The following HIBADH variants were observed in gnomAD, a reference collection of about 807,000 sequenced individuals.
HIBADH encodes the protein 3-hydroxyisobutyrate dehydrogenase, mitochondrial.
Under a neutral mutation model 36.1 loss-of-function variants are expected in HIBADH, and 25 were observed. The observed-to-expected ratio is 0.69, with a 90% CI of 0.50 to 0.97. The LOEUF is 0.97. Among genes scored for constraint, HIBADH ranks in the 50% least tolerant of loss-of-function variants. The probability of loss-of-function intolerance (pLI) is 0.00; values close to 1 mark genes in which losing one functional copy is unlikely to be tolerated. For missense variants in HIBADH, 421 were observed against 418.0 expected, an observed-to-expected ratio of 1.01 and a Z score of -0.06; for synonymous variants, 160 against 149.5, an observed-to-expected ratio of 1.07 and a Z score of -0.51.
chr7:27,651,253 A>T (rs1050490383), intron 1 of HIBADH, among the ~76,000 whole-genome samples: 2 of 152,222 alleles, frequency 1.3e-5, no homozygotes, highest in Non-Finnish European at 2.9e-5. Flanking sequence ...TTGGAAGCAT[A>T]TTTAATTCCT....
chr7:27,647,953 TA>T (rs1283017417), intron 2 of HIBADH, among the ~76,000 whole-genome samples: 1 of 152,228 alleles, frequency 6.6e-6, no homozygotes, highest in Non-Finnish European at 1.5e-5. Context: ...ATTCAATTCC[TA>T]CCCCACTCTT....
intron 6 of HIBADH, among the ~76,000 whole-genome samples, chr7:27,538,046 T>C (rs143544714): frequency 6.6e-6 from 1 of 152,298 alleles, no homozygotes; most frequent in African/African-American, 2.4e-5. Context: ...TTTCTTGTAT[T>C]TCAACATAAT....
chr7:27,602,043 A>C (rs904993843), intron 4 of HIBADH, among the ~76,000 whole-genome samples: 4 of 152,104 alleles, frequency 2.6e-5, no homozygotes, highest in Non-Finnish European at 5.9e-5. Context: ...TCCAAACTTG[A>C]ATGTATTAGT....
intron 2 of HIBADH, among the ~76,000 whole-genome samples, chr7:27,632,646 G>GT (rs1785767527): frequency 6.6e-6 from 1 of 151,022 alleles, no homozygotes; most frequent in African/African-American, 2.4e-5. Flanking sequence ...TACAGATGCA[G>GT]TTTCTGTGAA....
chr7:27,650,460 T>TTTTA (rs148153152), intron 1 of HIBADH, among the ~76,000 whole-genome samples: 9,431 of 140,142 alleles, frequency 0.067, 353 homozygotes, highest in Middle Eastern at 0.076. Context: ...CTTATTATAT[T>TTTTA]TTTATTTATT....
intron 4 of HIBADH, among the ~76,000 whole-genome samples, chr7:27,547,145 C>G (rs1583562992): frequency 2.6e-5 from 4 of 152,296 alleles, no homozygotes; most frequent in Admixed American, 2.6e-4. Flanking sequence ...CCATCACTTG[C>G]TGCTTTCCAG....
chr7:27,618,202 G>A (rs967457580), intron 4 of HIBADH, among the ~76,000 whole-genome samples: 2 of 152,196 alleles, frequency 1.3e-5, no homozygotes, highest in African/African-American at 4.8e-5. Flanking sequence ...TATCACCGGA[G>A]GCTGGGCCAG....
intron 4 of HIBADH, among the ~76,000 whole-genome samples, chr7:27,580,855 A>T (rs1784777052): frequency 6.6e-6 from 1 of 152,174 alleles, no homozygotes; most frequent in Non-Finnish European, 1.5e-5. Flanking sequence ...AGAGGTGGAG[A>T]TCAAAGCAGA....
intron 1 of HIBADH, among the ~76,000 whole-genome samples, chr7:27,661,829 G>C (rs1467665120): frequency 6.6e-6 from 1 of 152,106 alleles, no homozygotes; most frequent in Admixed American, 6.5e-5. Flanking sequence ...TGGTGTGATA[G>C]AAAGTTAAGG....
chr7:27,581,561 T>G (rs564805623), intron 4 of HIBADH, among the ~76,000 whole-genome samples: 8 of 152,320 alleles, frequency 5.3e-5, no homozygotes, highest in East Asian at 1.9e-4. Context: ...TCCTCCAAAT[T>G]TATTAAGGTT....
chr7:27,584,279 ACAT>A (rs1293228039), intron 4 of HIBADH, among the ~76,000 whole-genome samples: 3 of 152,072 alleles, frequency 2.0e-5, no homozygotes, highest in Non-Finnish European at 4.4e-5. Context: ...TAATTTGGTA[ACAT>A]CATACAACGG....
chr7:27,543,710 AT>A (rs1327334050), intron 4 of HIBADH, among the ~76,000 whole-genome samples: 1 of 152,016 alleles, frequency 6.6e-6, no homozygotes, highest in African/African-American at 2.4e-5. Context: ...TTTCAATATT[AT>A]TTGATTTTTC....
chr7:27,635,495 G>A (rs1299505675), intron 2 of HIBADH, among the ~76,000 whole-genome samples: 1 of 152,180 alleles, frequency 6.6e-6, no homozygotes, highest in African/African-American at 2.4e-5. Context: ...TCCAGCTTCA[G>A]TTTCCAAATC....
chr7:27,587,556 T>C (rs1252138703), intron 4 of HIBADH, among the ~76,000 whole-genome samples: 1 of 152,174 alleles, frequency 6.6e-6, no homozygotes, highest in Admixed American at 6.5e-5. Context: ...TCATGTGAGA[T>C]AGCTCACTGC....
At chr7:27,625,668 A>G (rs1456024039) in intron 4 of HIBADH, among the ~76,000 whole-genome samples, 1 of 152,226 alleles carries the variant, frequency 6.6e-6, no homozygotes, top group South Asian at 2.1e-4. Flanking sequence ...CATATATTTT[A>G]TAAATATGTT....
intron 7 of HIBADH, among the ~76,000 whole-genome samples, chr7:27,528,198 C>A (rs992710882): frequency 6.6e-6 from 1 of 152,092 alleles, no homozygotes. Context: ...CTCTCTCTCT[C>A]TTACCCCTCA....
intron 4 of HIBADH, among the ~76,000 whole-genome samples, chr7:27,545,076 G>A (rs1784216970): frequency 6.6e-6 from 1 of 152,116 alleles, no homozygotes; most frequent in Admixed American, 6.5e-5. Context: ...GACATTCCTT[G>A]GAACCAAATC....
chr7:27,639,924 T>A (rs1349085465), intron 2 of HIBADH, among the ~76,000 whole-genome samples: 1 of 152,030 alleles, frequency 6.6e-6, no homozygotes, highest in Non-Finnish European at 1.5e-5. Flanking sequence ...CCACGTACAG[T>A]CAAGCAAAAG....
At chr7:27,621,926 T>C (rs12540063) in intron 4 of HIBADH, among the ~76,000 whole-genome samples, 120,832 of 152,178 alleles carry the variant, frequency 0.79, 48,370 homozygotes, top group East Asian at 0.97. Flanking sequence ...ATGACCACTG[T>C]GGTTGACTAA....
Sources: gnomAD v4.1 joint callset for allele counts (sites outside exome capture counted in the v4.1 genomes callset) on GRCh38, gnomAD v4.1.1 for gene constraint, MANE v1.5 for transcripts, NCBI Gene and HGNC (gene_info 2026-07-23, HGNC 2026-07-21) for gene names.